Variants in POPDC1 observed in about 807,000 individuals in gnomAD.
The protein encoded by POPDC1 is popeye domain-containing protein 1.
At chr6:105,130,378 T>A in the POPDC1 span, among the ~76,000 whole-genome samples, 1 of 152,150 alleles carries the variant, frequency 6.6e-6, no homozygotes, top group Non-Finnish European at 1.5e-5. Context: ...GGAAAAAAAA[T>A]TTTATACATA....
chr6:105,127,487 C>T, the POPDC1 span, among the ~76,000 whole-genome samples: 5 of 152,186 alleles, frequency 3.3e-5, no homozygotes, highest in African/African-American at 1.2e-4. Context: ...GGAGCTCGCT[C>T]TGTTGCCTGT....
chr6:105,118,526 T>A, the POPDC1 span, among the ~76,000 whole-genome samples: 3 of 152,226 alleles, frequency 2.0e-5, no homozygotes, highest in African/African-American at 7.2e-5. Context: ...CTTCAAGGTA[T>A]GAAGTTACAA....
the POPDC1 span, chr6:105,137,142 C>G: frequency 4.6e-5 from 7 of 151,670 alleles, no homozygotes; most frequent in Non-Finnish European, 7.4e-5. Flanking sequence ...TCCCCAAGCC[C>G]GCAGCCGCTT....
chr6:105,126,543 G>A, the POPDC1 span, among the ~76,000 whole-genome samples: 1 of 152,232 alleles, frequency 6.6e-6, no homozygotes, highest in South Asian at 2.1e-4. Context: ...AACTGTTTAG[G>A]TTTTCAATGT....
At chr6:105,123,364 A>T in the POPDC1 span, among the ~76,000 whole-genome samples, 1 of 152,192 alleles carries the variant, frequency 6.6e-6, no homozygotes. Context: ...AGAAAGAATC[A>T]GAACAGTGTC....
At chr6:105,118,387 A>C in the POPDC1 span, among the ~76,000 whole-genome samples, 1 of 152,216 alleles carries the variant, frequency 6.6e-6, no homozygotes. Flanking sequence ...TATTATATCA[A>C]AAGTAGGAAT....
chr6:105,123,487 G>A, the POPDC1 span, among the ~76,000 whole-genome samples: 4 of 152,020 alleles, frequency 2.6e-5, no homozygotes, highest in East Asian at 3.9e-4. Context: ...TGCAAGCTCC[G>A]CCTCCCAGGT....
At chr6:105,117,042 T>G in the POPDC1 span, among the ~76,000 whole-genome samples, 4 of 152,190 alleles carry the variant, frequency 2.6e-5, no homozygotes, top group African/African-American at 9.6e-5. Context: ...TAAAATTATG[T>G]TTTTTAAAAA....
At chr6:105,101,071 C>T in the POPDC1 span, 1 of 1,597,190 alleles carries the variant, frequency 6.3e-7, no homozygotes. Flanking sequence ...GTCTTGGTAA[C>T]CTGAATTCTC....
the POPDC1 span, among the ~76,000 whole-genome samples, chr6:105,131,218 C>G: frequency 6.6e-6 from 1 of 152,022 alleles, no homozygotes; most frequent in Non-Finnish European, 1.5e-5. Flanking sequence ...TTTGATGCAC[C>G]TGAATAAAGC....
the POPDC1 span, among the ~76,000 whole-genome samples, chr6:105,122,770 A>G: frequency 6.6e-6 from 1 of 152,318 alleles, no homozygotes; most frequent in Admixed American, 6.5e-5. Context: ...AGATAAACTA[A>G]GAACATAAAT....
chr6:105,133,889 G>A, the POPDC1 span, among the ~76,000 whole-genome samples: 1 of 152,140 alleles, frequency 6.6e-6, no homozygotes, highest in Non-Finnish European at 1.5e-5. Context: ...ATAAACACTT[G>A]TAGGGAAGGG....
the POPDC1 span, among the ~76,000 whole-genome samples, chr6:105,122,258 C>A: frequency 1.1e-4 from 17 of 152,176 alleles, no homozygotes; most frequent in African/African-American, 3.4e-4. Context: ...GGAAATGCCA[C>A]ACGAGACTCT....
At chr6:105,126,767 C>G in the POPDC1 span, among the ~76,000 whole-genome samples, 1 of 152,054 alleles carries the variant, frequency 6.6e-6, no homozygotes, top group Non-Finnish European at 1.5e-5. Context: ...CTTAATGCAC[C>G]AATATAGAAA....
the POPDC1 span, chr6:105,101,264 C>T: frequency 1.3e-6 from 2 of 1,489,084 alleles, no homozygotes; most frequent in Non-Finnish European, 1.8e-6. Flanking sequence ...TCTACCCAGA[C>T]CCTGGTGTGA....
the POPDC1 span, among the ~76,000 whole-genome samples, chr6:105,112,382 G>A: frequency 6.6e-6 from 1 of 152,122 alleles, no homozygotes; most frequent in East Asian, 1.9e-4. Flanking sequence ...TGTTTAAATC[G>A]ACCTAGATTT....
At chr6:105,129,403 C>T in the POPDC1 span, 112 of 1,610,772 alleles carry the variant, frequency 7.0e-5, no homozygotes, top group African/African-American at 3.2e-4. Flanking sequence ...ATAAAAGATA[C>T]GACAGATGCA....
At chr6:105,119,772 A>C in the POPDC1 span, among the ~76,000 whole-genome samples, 1 of 152,266 alleles carries the variant, frequency 6.6e-6, no homozygotes, top group Non-Finnish European at 1.5e-5. Context: ...TTCTTCAGCC[A>C]TCTGAATTAC....
At chr6:105,099,626 C>G in the POPDC1 span, 1 of 152,258 alleles carries the variant, frequency 6.6e-6, no homozygotes, top group Non-Finnish European at 1.5e-5. Context: ...TTTACTAAAC[C>G]ATGATTTCAG....
Sources: allele counts gnomAD v4.1 joint callset (sites outside exome capture counted in the v4.1 genomes callset), GRCh38; gene constraint gnomAD v4.1.1; transcripts MANE v1.5; gene names NCBI Gene and HGNC (gene_info 2026-07-23, HGNC 2026-07-21).